Variants in MAPK8 observed in about 807,000 individuals in gnomAD.
MAPK8 encodes JUN N-terminal kinase.
Under a neutral mutation model 52.9 loss-of-function variants are expected in MAPK8, and 13 were observed. The observed-to-expected ratio is 0.25, with a 90% CI of 0.16 to 0.39. The LOEUF (loss-of-function observed/expected upper bound fraction) is 0.39. Ranked by LOEUF, MAPK8 falls within the 10% of genes least tolerant of loss-of-function variation. The pLI is 1.00. For synonymous variants in MAPK8, 191 were observed against 169.8 expected (o/e 1.12, Z -0.97); for missense variants, 300 against 519.2 (o/e 0.58, Z 4.10).
chr10:48,351,969 T>C (rs1846381306), intron 1 of MAPK8, among the ~76,000 whole-genome samples: 1 of 152,180 alleles, frequency 6.6e-6, no homozygotes, highest in Non-Finnish European at 1.5e-5. Context: ...AGATTTGGGA[T>C]GCTCCACCAC....
Position 48,438,188 on chromosome 10 carries a change from C to T in MAPK8, c.*3159C>T, listed in dbSNP as rs1259698041. 1 of 152,184 alleles carries T rather than the reference C, an allele frequency of 6.6e-6. No homozygotes were observed. The highest frequency in any genetic ancestry group is 1.5e-5 in the Non-Finnish European group (1 of 68,032). The allele number at this position is 152,184 out of a possible 1,614,324, so 9.4% of individuals were successfully genotyped here. ...GTGGATGCATGAAGCCCCATGACAC[C>T]AGTAAACTTCTCTTACCAGTAGGTA... On this transcript the variant is annotated 3_prime_UTR_variant, in exon 12 of 12. Transcript: ENST00000374189.
chr10:48,416,585 A>G (rs1383465571), intron 5 of MAPK8, among the ~76,000 whole-genome samples: 1 of 152,208 alleles, frequency 6.6e-6, no homozygotes, highest in East Asian at 1.9e-4. Flanking sequence ...AACTGGAATG[A>G]CCAAATTATA....
chr10:48,418,007 C>T (rs754547824), intron 5 of MAPK8, among the ~76,000 whole-genome samples: 1 of 152,184 alleles, frequency 6.6e-6, no homozygotes, highest in Admixed American at 6.5e-5. Context: ...TAATAGTCTG[C>T]GTCACAGCTA....
intron 11 of MAPK8, among the ~76,000 whole-genome samples, chr10:48,433,285 GTAAAA>G (rs1280381000): frequency 1.3e-5 from 2 of 152,076 alleles, no homozygotes; most frequent in Non-Finnish European, 2.9e-5. Flanking sequence ...AGACATTTGG[GTAAAA>G]TAATAGACCC....
At chr10:48,421,895 C>A (rs190255639) in intron 6 of MAPK8, among the ~76,000 whole-genome samples, 12 of 152,132 alleles carry the variant, frequency 7.9e-5, no homozygotes, top group Admixed American at 2.0e-4. Context: ...CCACTCCCAC[C>A]CTAGGAAACG....
intron 1 of MAPK8, among the ~76,000 whole-genome samples, chr10:48,378,464 ACAAT>A (rs2040802112): frequency 2.0e-5 from 3 of 152,196 alleles, no homozygotes; most frequent in Admixed American, 6.5e-5. Flanking sequence ...CACATTGACT[ACAAT>A]CAAAAAGTGA....
rs1246823223 is a variant in MAPK8, at chr10:48,404,999, G to A, written c.252+18G>A. ...ACAAAAATGTAAGTGAACATTTTTGGTTTCCTAAGTATAGATGAAATCAAG... is the reference window on the plus strand; with the variant it reads ...ACAAAAATGTAAGTGAACATTTTTGATTTCCTAAGTATAGATGAAATCAAG... On this transcript the variant is annotated intron_variant, in intron 3 of 11. Transcript: ENST00000374189. The A allele has an allele frequency of 6.4e-7, 1 of 1,571,990 alleles. No homozygotes were observed. Among genetic ancestry groups the A allele is most frequent in the Non-Finnish European group, 8.7e-7 (1 of 1,154,198 alleles).
chr10:48,356,824 AGAGT>A (rs1846994505), intron 1 of MAPK8, among the ~76,000 whole-genome samples: 1 of 128,472 alleles, frequency 7.8e-6, no homozygotes, highest in Admixed American at 9.3e-5. Context: ...CCTGGGTGAC[AGAGT>A]GAGACTCCGT....
At chr10:48,372,408 G>A (rs546031259) in intron 1 of MAPK8, among the ~76,000 whole-genome samples, 2 of 151,996 alleles carry the variant, frequency 1.3e-5, no homozygotes, top group South Asian at 4.2e-4. Flanking sequence ...TCAGAAGGTG[G>A]GTACTAACAA....
chr10:48,362,295 C>T (rs940460771), intron 1 of MAPK8, among the ~76,000 whole-genome samples: 6 of 151,934 alleles, frequency 3.9e-5, no homozygotes, highest in Admixed American at 3.3e-4. Flanking sequence ...TGAAAATTAC[C>T]TTTTTTCAGG....
At chr10:48,341,012 T>C (rs1335977836) in intron 1 of MAPK8, among the ~76,000 whole-genome samples, 1 of 152,258 alleles carries the variant, frequency 6.6e-6, no homozygotes, top group Non-Finnish European at 1.5e-5. Context: ...TGTCTGTTGC[T>C]AGTGTCTGAC....
intron 1 of MAPK8, among the ~76,000 whole-genome samples, chr10:48,325,743 C>A (rs1390573831): frequency 6.6e-6 from 1 of 152,146 alleles, no homozygotes; most frequent in Non-Finnish European, 1.5e-5. Flanking sequence ...TTTCAAGATC[C>A]CATCTGGAAT....
intron 1 of MAPK8, among the ~76,000 whole-genome samples, chr10:48,400,126 T>G (rs80161555): frequency 0.011 from 1,698 of 152,338 alleles, 36 homozygotes; most frequent in African/African-American, 0.039. Flanking sequence ...TATGTGAGCA[T>G]TGTGTGAACA....
intron 1 of MAPK8, among the ~76,000 whole-genome samples, chr10:48,336,460 A>G (rs1318379687): frequency 6.6e-6 from 1 of 152,180 alleles, no homozygotes; most frequent in Non-Finnish European, 1.5e-5. Flanking sequence ...CAATTCTCAA[A>G]CTTTTTAAGA....
chr10:48,372,682 A>T (rs2132642094), intron 1 of MAPK8, among the ~76,000 whole-genome samples: 1 of 152,184 alleles, frequency 6.6e-6, no homozygotes, highest in South Asian at 2.1e-4. Flanking sequence ...AGAGAAAAAA[A>T]AAAAGAGTGA....
intron 6 of MAPK8, among the ~76,000 whole-genome samples, chr10:48,423,053 A>G (rs1334141985): frequency 2.0e-5 from 3 of 152,172 alleles, no homozygotes; most frequent in African/African-American, 7.2e-5. Flanking sequence ...TTTTCCTTCT[A>G]AATTGCTCAT....
intron 1 of MAPK8, among the ~76,000 whole-genome samples, chr10:48,367,648 A>G (rs1329482500): frequency 6.6e-6 from 1 of 152,154 alleles, no homozygotes; most frequent in Non-Finnish European, 1.5e-5. Flanking sequence ...TACATGTTTT[A>G]TCTTTGCATA....
chr10:48,409,197 A>G (rs776984748), intron 3 of MAPK8, among the ~76,000 whole-genome samples: 18 of 152,278 alleles, frequency 1.2e-4, no homozygotes, highest in Non-Finnish European at 2.4e-4. Flanking sequence ...GGGAATGGAA[A>G]AAAGAGATTG....
chr10:48,366,222 A>G (rs1848017803), intron 1 of MAPK8, among the ~76,000 whole-genome samples: 1 of 152,096 alleles, frequency 6.6e-6, no homozygotes, highest in Admixed American at 6.5e-5. Context: ...GTGATGCAGT[A>G]TGCCTTTATC....
Sources: allele counts gnomAD v4.1 joint callset (sites outside exome capture counted in the v4.1 genomes callset), GRCh38; gene constraint gnomAD v4.1.1; transcripts MANE v1.5; gene names NCBI Gene and HGNC (gene_info 2026-07-23, HGNC 2026-07-21).